Variants in LMX1A observed in about 807,000 individuals in gnomAD.
LMX1A encodes LIM homeobox transcription factor 1-alpha.
In LMX1A, 15 loss-of-function variants were observed where a neutral mutation model predicts 49.1. That is an observed-to-expected ratio of 0.31 (90% confidence interval 0.20 to 0.47). The LOEUF (loss-of-function observed/expected upper bound fraction) is 0.47, where lower values mean the gene tolerates loss of function less well. Among genes scored for constraint, LMX1A ranks in the 20% least tolerant of loss-of-function variants. The pLI, the probability that LMX1A is intolerant of heterozygous loss-of-function variation, is 1.00. For missense variants in LMX1A, 372 were observed against 475.8 expected, an observed-to-expected ratio of 0.78 and a Z score of 2.03; for synonymous variants, 167 against 185.7, an observed-to-expected ratio of 0.90 and a Z score of 0.82.
At chr1:165,225,991 C>T (rs1306731133) in intron 4 of LMX1A, among the ~76,000 whole-genome samples, 2 of 151,350 alleles carry the variant, frequency 1.3e-5, no homozygotes, top group African/African-American at 4.9e-5. Context: ...GTGATTCCTG[C>T]TAGTTTTGAT....
At chr1:165,322,060 T>C (rs1043593401) in intron 3 of LMX1A, among the ~76,000 whole-genome samples, 3 of 152,220 alleles carry the variant, frequency 2.0e-5, no homozygotes, top group South Asian at 4.1e-4. Context: ...AAATGGCTAA[T>C]AAACATATGA....
At chr1:165,288,082 C>T (rs938759224) in intron 3 of LMX1A, among the ~76,000 whole-genome samples, 6 of 152,304 alleles carry the variant, frequency 3.9e-5, no homozygotes, top group African/African-American at 1.2e-4. Context: ...GGCTGAAAAC[C>T]GCTGTCATTT....
At chr1:165,249,694 C>A in intron 3 of LMX1A, 54 bp from the exon 4 acceptor site, 1 of 1,384,550 alleles carries the variant, frequency 7.2e-7, no homozygotes, top group Non-Finnish European at 1.0e-6. Flanking sequence ...CTGGCTTGGT[C>A]CTGGGTCTCC....
At chr1:165,245,455 G>T (rs946504994) in intron 4 of LMX1A, among the ~76,000 whole-genome samples, 3 of 152,112 alleles carry the variant, frequency 2.0e-5, no homozygotes, top group Admixed American at 1.3e-4. Context: ...GCAACCTTGG[G>T]TGTGACTCTC....
intron 4 of LMX1A, among the ~76,000 whole-genome samples, chr1:165,214,709 A>T (rs1256489045): frequency 1.3e-5 from 2 of 152,254 alleles, no homozygotes; most frequent in African/African-American, 4.8e-5. Context: ...GCCATAGAGA[A>T]AAGCATTAGA....
chr1:165,256,991 C>T (rs1174203755), intron 3 of LMX1A, among the ~76,000 whole-genome samples: 1 of 151,580 alleles, frequency 6.6e-6, no homozygotes, highest in East Asian at 1.9e-4. Flanking sequence ...CTGTTCTGAA[C>T]ATCAGTGTCT....
chr1:165,210,841 C>T, intron 5 of LMX1A, 65 bp from the exon 6 acceptor site: 1 of 1,219,444 alleles, frequency 8.2e-7, no homozygotes. Flanking sequence ...AGAACATCTC[C>T]TATATAATAC....
At chr1:165,233,572 T>C (rs1477801258) in intron 4 of LMX1A, among the ~76,000 whole-genome samples, 2 of 152,196 alleles carry the variant, frequency 1.3e-5, no homozygotes, top group Non-Finnish European at 2.9e-5. Flanking sequence ...CCACCAAACA[T>C]CTACAGTCAC....
chr1:165,352,495 G>C (rs989812354), intron 3 of LMX1A, among the ~76,000 whole-genome samples: 1 of 152,248 alleles, frequency 6.6e-6, no homozygotes, highest in Admixed American at 6.5e-5. Context: ...CGGGCTGTGC[G>C]CTTAGCTCCG....
intron 3 of LMX1A, among the ~76,000 whole-genome samples, chr1:165,258,602 C>T (rs1031040344): frequency 3.9e-5 from 6 of 152,158 alleles, no homozygotes; most frequent in East Asian, 1.9e-4. Context: ...ATGGGATGAA[C>T]GAGTGGGAGT....
intron 3 of LMX1A, among the ~76,000 whole-genome samples, chr1:165,285,127 G>T (rs1214701192): frequency 6.6e-6 from 1 of 152,160 alleles, no homozygotes; most frequent in East Asian, 1.9e-4. Context: ...ATCTGCAAAA[G>T]GCATAAGGAT....
At chr1:165,237,027 G>A (rs1276169235) in intron 4 of LMX1A, among the ~76,000 whole-genome samples, 1 of 152,104 alleles carries the variant, frequency 6.6e-6, no homozygotes, top group Non-Finnish European at 1.5e-5. Flanking sequence ...CAATAGGACT[G>A]CTACATACTC....
At chr1:165,346,848 C>T (rs867181422) in intron 3 of LMX1A, among the ~76,000 whole-genome samples, 9 of 152,122 alleles carry the variant, frequency 5.9e-5, no homozygotes, top group East Asian at 1.9e-4. Flanking sequence ...CTAATCCTCC[C>T]GTTAATTAAC....
chr1:165,305,957 G>A (rs1243977196), intron 3 of LMX1A, among the ~76,000 whole-genome samples: 2 of 152,110 alleles, frequency 1.3e-5, no homozygotes, highest in South Asian at 2.1e-4. Flanking sequence ...ATAGGAGCCC[G>A]GACCACAGGA....
chr1:165,347,591 G>T (rs1431195856), intron 3 of LMX1A, among the ~76,000 whole-genome samples: 1 of 152,218 alleles, frequency 6.6e-6, no homozygotes, highest in African/African-American at 2.4e-5. Context: ...AAACACTGAA[G>T]TAGAGCTAAG....
chr1:165,313,636 T>C (rs1380175862), intron 3 of LMX1A, among the ~76,000 whole-genome samples: 1 of 152,058 alleles, frequency 6.6e-6, no homozygotes, highest in Non-Finnish European at 1.5e-5. Flanking sequence ...GCCCTAGGCC[T>C]GAAGGGAGCA....
intron 3 of LMX1A, among the ~76,000 whole-genome samples, chr1:165,337,699 C>T (rs1175219611): frequency 6.6e-6 from 1 of 152,088 alleles, no homozygotes; most frequent in Non-Finnish European, 1.5e-5. Context: ...CTGGTTATCG[C>T]CGTTATTTAC....
At position 165,326,186 on chromosome 1, in the gene LMX1A, A is replaced by T. The variant is rs138306639; in HGVS notation, c.263+26890T>A. On this transcript the variant is annotated intron_variant, in intron 3 of 8. Transcript: ENST00000342310. ...TGGAAATGATGATTAAAGGAGCTAG[A>T]GACGGGGAGGAGGGGAAGGGGGGTA... Among the ~76,000 whole-genome samples the T allele has an allele frequency of 1.6e-3, 243 of 152,318 alleles. 1 individual carries two copies. Among genetic ancestry groups the T allele is most frequent in the African/African-American group, 5.4e-3 (224 of 41,570 alleles).
chr1:165,228,067 T>A (rs1652100540), intron 4 of LMX1A, among the ~76,000 whole-genome samples: 1 of 152,226 alleles, frequency 6.6e-6, no homozygotes, highest in African/African-American at 2.4e-5. Context: ...TGCCTTTATT[T>A]GGAGAAGATA....
Sources: gnomAD v4.1 joint callset for allele counts (sites outside exome capture counted in the v4.1 genomes callset) on GRCh38, gnomAD v4.1.1 for gene constraint, MANE v1.5 for transcripts, NCBI Gene and HGNC (gene_info 2026-07-23, HGNC 2026-07-21) for gene names.